Variants in RBM33 observed in about 807,000 individuals in gnomAD.
RBM33 encodes the protein RNA-binding protein 33.
Under a neutral mutation model 132.6 loss-of-function variants are expected in RBM33, and 28 were observed. That is an observed-to-expected ratio of 0.21 (90% CI 0.16 to 0.29). The LOEUF (loss-of-function observed/expected upper bound fraction) is 0.29. RBM33 is among the 10% of genes least tolerant of loss of function. The pLI is 1.00. For missense variants in RBM33, 1,291 were observed against 1,518.5 expected, an observed-to-expected ratio of 0.85 and a Z score of 2.49; for synonymous variants, 634 against 593.0, an observed-to-expected ratio of 1.07 and a Z score of -1.01.
intron 1 of RBM33, among the ~76,000 whole-genome samples, chr7:155,651,805 T>A (rs1448646476): frequency 1.3e-5 from 2 of 152,152 alleles, no homozygotes; most frequent in Admixed American, 6.5e-5. Context: ...TTTTAAACCC[T>A]GAATGATGAA....
At chr7:155,716,611 C>T (rs561774410) in intron 8 of RBM33, among the ~76,000 whole-genome samples, 44 of 152,166 alleles carry the variant, frequency 2.9e-4, no homozygotes, top group African/African-American at 9.2e-4. Flanking sequence ...ATAAAAATCA[C>T]GTCTTTACAT....
At chr7:155,677,401 G>T (rs1330943728) in intron 3 of RBM33, among the ~76,000 whole-genome samples, 1 of 151,874 alleles carries the variant, frequency 6.6e-6, no homozygotes, top group Non-Finnish European at 1.5e-5. Context: ...GTAGAGTCAG[G>T]GTTTCACCAT....
chr7:155,764,035 C>A lies in RBM33; in HGVS notation c.3186+17C>A, dbSNP rs140504928. The A allele has an allele frequency of 5.3e-6, 8 of 1,497,436 alleles. No individual in the cohort carries two copies. The African/African-American group carries it at 7.0e-5, about 13-fold the overall frequency. 92.8% of individuals were successfully genotyped at this position (1,497,436 alleles called of 1,614,324 possible). On this transcript the variant is annotated intron_variant, in intron 15 of 17. Coordinates refer to ENST00000401878, the MANE Select transcript of RBM33 (RefSeq NM_053043.3). ...GCGAAGAAGGTACTGCTTGTTGCCT[C>A]GCACGCAGCCCTGGAAACGCGAAGG...
intron 14 of RBM33, among the ~76,000 whole-genome samples, chr7:155,750,898 G>A (rs1801669028): frequency 6.6e-6 from 1 of 152,160 alleles, no homozygotes; most frequent in African/African-American, 2.4e-5. Flanking sequence ...AATGGGAGCA[G>A]CACAGAATGC....
At chr7:155,687,718 A>G (rs1252431090) in intron 5 of RBM33, among the ~76,000 whole-genome samples, 4 of 152,306 alleles carry the variant, frequency 2.6e-5, no homozygotes, top group East Asian at 1.9e-4. Context: ...TCCCAGCACC[A>G]TTTATTAAAT....
rs1299479089 is a variant in RBM33 at position 155,651,349 on chromosome 7, C to T, written c.43+6430C>T. Among the ~76,000 whole-genome samples, 5 of 151,972 alleles carry T rather than the reference C, an allele frequency of 3.3e-5. 1 individual carries two copies. Among genetic ancestry groups the T allele is most frequent in the African/African-American group, 1.2e-4 (5 of 41,366 alleles). ...GCGGTATTGTTGTGTTTTCTGGCAT[C>T]CAGATCTGCTCTTGAGAAGTTTGAG... is the stretch of plus-strand genomic sequence containing the variant. On this transcript the variant is annotated intron_variant, in intron 1 of 17. Transcript: ENST00000401878.
intron 13 of RBM33, 120 bp downstream of exon 13, chr7:155,742,226 G>GT: frequency 1.1e-6 from 1 of 920,502 alleles, no homozygotes; most frequent in South Asian, 2.2e-5. Flanking sequence ...TTTTCACCTG[G>GT]GTCTTTTTTT....
chr7:155,757,610 A>G (rs1162754279), intron 14 of RBM33, among the ~76,000 whole-genome samples: 1 of 152,124 alleles, frequency 6.6e-6, no homozygotes, highest in Non-Finnish European at 1.5e-5. Flanking sequence ...TGTGTGACTG[A>G]AGTTTGTTTA....
intron 7 of RBM33, among the ~76,000 whole-genome samples, chr7:155,708,866 C>A (rs1800194325): frequency 6.6e-6 from 1 of 152,178 alleles, no homozygotes; most frequent in African/African-American, 2.4e-5. Context: ...TGAGTCTTGA[C>A]CCCCAAAGTT....
In RBM33 at chr7:155,757,594, G is replaced by A. The variant is rs77653758; in HGVS notation, c.2980-6218G>A. ...TTTGGAGCCACAAAGATGTTCCAGC[G>A]CTTATTGTGTGACTGAAGTTTGTTT... On this transcript the variant is annotated intron_variant, in intron 14 of 17. Transcript: ENST00000401878. Among the ~76,000 whole-genome samples, 10 of 152,180 alleles carry A rather than the reference G, an allele frequency of 6.6e-5. No homozygotes were observed. In the East Asian group the frequency reaches 1.2e-3, roughly 18 times the overall value.
At chr7:155,739,164 G>A (rs1258397786) in intron 11 of RBM33, 1 of 151,910 alleles carries the variant, frequency 6.6e-6, no homozygotes, top group Non-Finnish European at 1.5e-5. Context: ...CATCCCCATT[G>A]CAGAAATTTT....
At chr7:155,674,803 C>G (rs1318681958) in intron 3 of RBM33, among the ~76,000 whole-genome samples, 2 of 152,140 alleles carry the variant, frequency 1.3e-5, no homozygotes, top group Non-Finnish European at 2.9e-5. Context: ...CTGCTTTGGA[C>G]ATTTTGGAAG....
intron 4 of RBM33, among the ~76,000 whole-genome samples, chr7:155,679,159 G>A (rs1033334096): frequency 8.6e-5 from 13 of 151,656 alleles, no homozygotes; most frequent in Non-Finnish European, 1.9e-4. Flanking sequence ...GAGACAGAGT[G>A]AAACGCCGTC....
intron 1 of RBM33, among the ~76,000 whole-genome samples, chr7:155,649,519 T>G (rs1029932491): frequency 6.6e-6 from 1 of 152,254 alleles, no homozygotes; most frequent in African/African-American, 2.4e-5. Context: ...TAAATCATGT[T>G]AGCTTGATTT....
intron 9 of RBM33, among the ~76,000 whole-genome samples, chr7:155,730,514 T>C (rs1316484819): frequency 6.6e-6 from 1 of 152,192 alleles, no homozygotes; most frequent in Admixed American, 6.5e-5. Flanking sequence ...TAGGTACTAA[T>C]TGCTGTTTTG....
At chr7:155,741,754 G>A in intron 12 of RBM33, 65 bp from the exon 13 acceptor site, 1 of 1,380,924 alleles carries the variant, frequency 7.2e-7, no homozygotes, top group Non-Finnish European at 1.0e-6. Context: ...TTAATAATGT[G>A]CCTTTTAATG....
chr7:155,685,173 T>A, intron 5 of RBM33: 4 of 997,660 alleles, frequency 4.0e-6, no homozygotes, highest in Non-Finnish European at 1.4e-6. Context: ...GAGTGTATAG[T>A]GAAAAACTTG....
At chr7:155,667,454 T>C (rs1798831006) in intron 2 of RBM33, among the ~76,000 whole-genome samples, 1 of 152,202 alleles carries the variant, frequency 6.6e-6, no homozygotes, top group Non-Finnish European at 1.5e-5. Context: ...TTGTTTTCAG[T>C]TGTCTCAATA....
intron 8 of RBM33, among the ~76,000 whole-genome samples, chr7:155,717,797 T>C (rs1419785516): frequency 1.3e-5 from 2 of 152,186 alleles, no homozygotes; most frequent in Admixed American, 1.3e-4. Flanking sequence ...TGATTCCTTG[T>C]TCTGGTGGAT....
Sources: allele counts gnomAD v4.1 joint callset (sites outside exome capture counted in the v4.1 genomes callset), GRCh38; gene constraint gnomAD v4.1.1; transcripts MANE v1.5; gene names NCBI Gene and HGNC (gene_info 2026-07-23, HGNC 2026-07-21).